The following NBAS variants were observed in gnomAD, a reference collection of about 807,000 sequenced individuals.
NBAS encodes the protein NAG/BC035112 fusion.
In NBAS, 219 loss-of-function variants were observed where a neutral mutation model predicts 302.5. That is an observed-to-expected ratio of 0.72 (90% confidence interval 0.65 to 0.81). NBAS has a LOEUF of 0.81. Among genes scored for constraint, NBAS ranks in the 30% least tolerant of loss-of-function variants. The pLI is 0.00. For missense variants in NBAS, 2,932 were observed against 2,841.6 expected (o/e 1.03, Z -0.72); for synonymous variants, 1,118 against 1,021.6 (o/e 1.09, Z -1.80).
At chr2:14,902,720 G>A in the NBAS span, among the ~76,000 whole-genome samples, 1 of 152,188 alleles carries the variant, frequency 6.6e-6, no homozygotes. Flanking sequence ...TTGGGAAAAG[G>A]GGAGGAGTAT....
intron 21 of NBAS, among the ~76,000 whole-genome samples, chr2:15,430,208 A>G (rs1457607141): frequency 6.6e-6 from 1 of 152,242 alleles, no homozygotes; most frequent in African/African-American, 2.4e-5. Context: ...GTATGTAGAG[A>G]CTAGTAAGTT....
At chr2:15,212,939 G>A (rs1384704956) in intron 48 of NBAS, among the ~76,000 whole-genome samples, 1 of 152,056 alleles carries the variant, frequency 6.6e-6, no homozygotes, top group Non-Finnish European at 1.5e-5. Flanking sequence ...AAACTAATAC[G>A]GTATCTAAAC....
the NBAS span, among the ~76,000 whole-genome samples, chr2:14,810,395 C>T: frequency 6.6e-6 from 1 of 152,146 alleles, no homozygotes; most frequent in African/African-American, 2.4e-5. Flanking sequence ...CTCACAAGAT[C>T]TGATGGTTTT....
chr2:15,325,410 G>T (rs565344487), intron 38 of NBAS, among the ~76,000 whole-genome samples: 1 of 152,072 alleles, frequency 6.6e-6, no homozygotes, highest in Non-Finnish European at 1.5e-5. Context: ...TCATCTGAGC[G>T]TTCAGTAAGT....
At chr2:15,442,854 A>G (rs908929947) in intron 21 of NBAS, among the ~76,000 whole-genome samples, 1 of 151,958 alleles carries the variant, frequency 6.6e-6, no homozygotes, top group Non-Finnish European at 1.5e-5. Flanking sequence ...ACAAACTACC[A>G]TCAGAGAATA....
At chr2:15,501,874 C>T (rs549846954) in intron 11 of NBAS, among the ~76,000 whole-genome samples, 4 of 152,042 alleles carry the variant, frequency 2.6e-5, no homozygotes, top group Non-Finnish European at 5.9e-5. Context: ...GTGATCCTCC[C>T]ACCTCAGCCT....
chr2:14,831,542 T>A, the NBAS span, among the ~76,000 whole-genome samples: 713 of 152,344 alleles, frequency 4.7e-3, 13 homozygotes, highest in African/African-American at 0.016. Flanking sequence ...ATGCAATTTT[T>A]CTTTGCCTCA....
chr2:15,397,598 T>C lies in NBAS; in HGVS notation c.3072-1123A>G, dbSNP rs577924068. The C allele has an allele frequency of 2.1e-5, 13 of 616,144 alleles. No individual in the cohort carries two copies. The East Asian group carries it at 4.2e-4, about 20-fold the overall frequency. The allele number at this position is 616,144 out of a possible 1,614,324, so 38.2% of individuals were successfully genotyped here. On this transcript the variant is annotated intron_variant, in intron 26 of 51. Transcript: ENST00000281513. ...CTTCACATACAGCTTGGGAAGCACA[T>C]AGGTTTCAAAGACGCTCGCTTCAGA...
At chr2:15,503,362 T>G (rs13418486) in intron 11 of NBAS, among the ~76,000 whole-genome samples, 2,809 of 152,234 alleles carry the variant, frequency 0.018, 77 homozygotes, top group African/African-American at 0.064. Context: ...ATACAGTATT[T>G]GAGGGATATA....
At chr2:15,350,351 T>C (rs1363399384) in intron 35 of NBAS, among the ~76,000 whole-genome samples, 8 of 152,054 alleles carry the variant, frequency 5.3e-5, no homozygotes, top group Non-Finnish European at 1.0e-4. Context: ...AAATAAAGGA[T>C]ATTTTACACT....
intron 44 of NBAS, among the ~76,000 whole-genome samples, chr2:15,275,240 T>C (rs974602840): frequency 6.6e-6 from 1 of 152,194 alleles, no homozygotes; most frequent in African/African-American, 2.4e-5. Flanking sequence ...AACTGTAACA[T>C]GTACTAAGTA....
intron 44 of NBAS, among the ~76,000 whole-genome samples, chr2:15,263,017 G>A (rs1558485212): frequency 6.6e-6 from 1 of 152,204 alleles, no homozygotes; most frequent in Non-Finnish European, 1.5e-5. Context: ...CCAGGTGTTT[G>A]CTGCTCATGC....
At chr2:14,958,565 G>A in the NBAS span, among the ~76,000 whole-genome samples, 1 of 152,128 alleles carries the variant, frequency 6.6e-6, no homozygotes, top group Non-Finnish European at 1.5e-5. Flanking sequence ...ATGAGGGGTG[G>A]GAACCTGTAA....
intron 44 of NBAS, among the ~76,000 whole-genome samples, chr2:15,239,806 C>T (rs1471806711): frequency 2.0e-5 from 3 of 152,012 alleles, no homozygotes; most frequent in South Asian, 2.1e-4. Flanking sequence ...TTCAGTGACA[C>T]GCATCAGATT....
chr2:14,988,499 T>C, the NBAS span, among the ~76,000 whole-genome samples: 1 of 152,188 alleles, frequency 6.6e-6, no homozygotes, highest in East Asian at 1.9e-4. Flanking sequence ...GAAAAATCAA[T>C]TTCAGGGTGC....
the NBAS span, among the ~76,000 whole-genome samples, chr2:15,084,530 T>G: frequency 6.6e-6 from 1 of 152,260 alleles, no homozygotes; most frequent in Non-Finnish European, 1.5e-5. Context: ...TTCCTGCCTC[T>G]GAATTATCCA....
At chr2:15,190,208 G>A (rs1665282274) in intron 49 of NBAS, 56 bp downstream of exon 49, 3 of 1,590,610 alleles carry the variant, frequency 1.9e-6, no homozygotes, top group Admixed American at 3.4e-5. Flanking sequence ...TACATTTTTA[G>A]GGCTAAAGTC....
At chr2:15,149,601 T>G in the NBAS span, among the ~76,000 whole-genome samples, 2 of 152,142 alleles carry the variant, frequency 1.3e-5, no homozygotes, top group Admixed American at 1.3e-4. Flanking sequence ...TCCTCCCATC[T>G]CAGCCTCTTG....
At chr2:14,987,506 T>C in the NBAS span, among the ~76,000 whole-genome samples, 200 of 151,772 alleles carry the variant, frequency 1.3e-3, 2 homozygotes, top group African/African-American at 4.7e-3. Context: ...AATCACAGAC[T>C]ATAGGGTTGG....
Sources: gnomAD v4.1 joint callset for allele counts (sites outside exome capture counted in the v4.1 genomes callset) on GRCh38, gnomAD v4.1.1 for gene constraint, MANE v1.5 for transcripts, NCBI Gene and HGNC (gene_info 2026-07-23, HGNC 2026-07-21) for gene names.